The following LYN variants were observed in gnomAD, a reference collection of about 807,000 sequenced individuals.
The protein encoded by LYN is LYN proto-oncogene, Src family tyrosine kinase, also known as tyrosine-protein kinase Lyn.
LYN carries 12 observed loss-of-function variants against 65.0 expected under a neutral mutation model. The observed-to-expected ratio is 0.18, with a 90% confidence interval of 0.12 to 0.30. The LOEUF (loss-of-function observed/expected upper bound fraction) is 0.30. Among genes scored for constraint, LYN ranks in the 10% least tolerant of loss-of-function variants. The pLI is 1.00. For synonymous variants in LYN, 222 were observed against 221.2 expected, an observed-to-expected ratio of 1.00 and a Z score of -0.03; for missense variants, 380 against 623.2, an observed-to-expected ratio of 0.61 and a Z score of 4.16.
chr8:55,899,702 T>G, intron 1 of LYN, among the ~76,000 whole-genome samples: 1 of 152,136 alleles, frequency 6.6e-6, no homozygotes. Flanking sequence ...CAGGCTGGAG[T>G]GCAATGGCAC....
chr8:55,960,194 A>C (rs1245325622), intron 8 of LYN, among the ~76,000 whole-genome samples: 1 of 152,240 alleles, frequency 6.6e-6, no homozygotes, highest in Non-Finnish European at 1.5e-5. Context: ...AAAGCTGGCA[A>C]ATATATAAAA....
At chr8:55,921,409 T>C (rs1805944446) in intron 1 of LYN, among the ~76,000 whole-genome samples, 1 of 152,220 alleles carries the variant, frequency 6.6e-6, no homozygotes, top group South Asian at 2.1e-4. Flanking sequence ...TACTAACTGA[T>C]AGACACCTCT....
At chr8:55,895,887 T>G (rs1393033429) in intron 1 of LYN, 1 of 152,152 alleles carries the variant, frequency 6.6e-6, no homozygotes, top group Non-Finnish European at 1.5e-5. Context: ...TTCTTGATTT[T>G]GGAGGATCCC....
intron 10 of LYN, among the ~76,000 whole-genome samples, chr8:55,972,920 T>C (rs1256519630): frequency 6.6e-6 from 1 of 152,234 alleles, no homozygotes; most frequent in Admixed American, 6.5e-5. Context: ...ATGATGCGAC[T>C]TGCTGTCTTC....
chr8:55,921,706 G>A (rs1805951985), intron 1 of LYN, among the ~76,000 whole-genome samples: 1 of 152,206 alleles, frequency 6.6e-6, no homozygotes, highest in Non-Finnish European at 1.5e-5. Flanking sequence ...GTGATGGTGA[G>A]GCAGGTTGAG....
intron 8 of LYN, among the ~76,000 whole-genome samples, chr8:55,954,908 TAA>T (rs1318179885): frequency 1.3e-5 from 2 of 152,130 alleles, no homozygotes; most frequent in Non-Finnish European, 2.9e-5. Context: ...TCTTTGGTGA[TAA>T]GAGTTTTTTA....
chr8:55,956,634 T>C (rs1807122154), intron 8 of LYN, among the ~76,000 whole-genome samples: 1 of 152,196 alleles, frequency 6.6e-6, no homozygotes, highest in Admixed American at 6.5e-5. Context: ...GTGAATTCTC[T>C]TCCCTCTTAG....
chr8:55,990,823 G>A (rs1563326295), intron 10 of LYN, among the ~76,000 whole-genome samples: 1 of 152,260 alleles, frequency 6.6e-6, no homozygotes, highest in Non-Finnish European at 1.5e-5. Flanking sequence ...AATCCCCTGG[G>A]CCAAGGGGAG....
At chr8:55,975,379 C>T (rs1265723749) in intron 10 of LYN, among the ~76,000 whole-genome samples, 2 of 152,182 alleles carry the variant, frequency 1.3e-5, no homozygotes. Context: ...GCACCAGTGT[C>T]CTCGTCTGTG....
At chr8:55,992,425 A>G (rs1808274884) in intron 10 of LYN, among the ~76,000 whole-genome samples, 1 of 152,214 alleles carries the variant, frequency 6.6e-6, no homozygotes. Flanking sequence ...TTGATGGGCT[A>G]GGAATTCTTC....
chr8:55,891,804 A>G (rs929971912), intron 1 of LYN, among the ~76,000 whole-genome samples: 1 of 152,190 alleles, frequency 6.6e-6, no homozygotes, highest in Non-Finnish European at 1.5e-5. Flanking sequence ...ATTAAGTTTG[A>G]TAAATTGCCC....
At chr8:55,903,131 G>C (rs1412907579) in intron 1 of LYN, among the ~76,000 whole-genome samples, 1 of 152,220 alleles carries the variant, frequency 6.6e-6, no homozygotes, top group Non-Finnish European at 1.5e-5. Context: ...ACATGCGTGA[G>C]CCACTGCGCC....
At chr8:55,983,319 C>T (rs1807979806) in intron 10 of LYN, among the ~76,000 whole-genome samples, 1 of 152,242 alleles carries the variant, frequency 6.6e-6, no homozygotes, top group African/African-American at 2.4e-5. Flanking sequence ...AGAGCCCTGA[C>T]ATGCATCAGG....
intron 10 of LYN, among the ~76,000 whole-genome samples, chr8:55,971,950 G>A (rs781158897): frequency 6.6e-6 from 1 of 152,150 alleles, no homozygotes; most frequent in Non-Finnish European, 1.5e-5. Flanking sequence ...ATTCCAGGGG[G>A]CTTCAGTTGA....
chr8:55,911,182 TATATATACACACAC>T (rs1293349431), intron 1 of LYN, among the ~76,000 whole-genome samples: 43 of 23,848 alleles, frequency 1.8e-3, no homozygotes, highest in Middle Eastern at 0.033. Flanking sequence ...CGTATATATA[TATATATACACACAC>T]ACATATATAT....
At chr8:55,994,987 C>G (rs917489373) in intron 10 of LYN, among the ~76,000 whole-genome samples, 3 of 152,344 alleles carry the variant, frequency 2.0e-5, no homozygotes, top group Admixed American at 2.0e-4. Context: ...CTGATCTTCG[C>G]TCTCCACTTT....
intron 8 of LYN, among the ~76,000 whole-genome samples, chr8:55,957,691 C>T (rs189026325): frequency 3.3e-4 from 51 of 152,280 alleles, no homozygotes; most frequent in Non-Finnish European, 4.4e-5. Context: ...ACCTGTAATC[C>T]TGGCACTTCG....
At chr8:55,969,072 G>A (rs768602557) in intron 9 of LYN, among the ~76,000 whole-genome samples, 23 of 152,164 alleles carry the variant, frequency 1.5e-4, no homozygotes, top group Non-Finnish European at 2.1e-4. Context: ...CTTGAGTCCA[G>A]GAATTTGAGA....
intron 4 of LYN, among the ~76,000 whole-genome samples, chr8:55,948,116 G>A (rs551806521): frequency 2.2e-4 from 34 of 152,144 alleles, no homozygotes; most frequent in Non-Finnish European, 4.4e-4. Flanking sequence ...TAGGACTACA[G>A]GCATGTGCCA....
Sources: allele counts gnomAD v4.1 joint callset (sites outside exome capture counted in the v4.1 genomes callset), GRCh38; gene constraint gnomAD v4.1.1; transcripts MANE v1.5; gene names NCBI Gene and HGNC (gene_info 2026-07-23, HGNC 2026-07-21).